Variants in CDH12 observed in about 807,000 individuals in gnomAD.
The protein encoded by CDH12 is cadherin 12.
CDH12 carries 41 observed loss-of-function variants against 74.1 expected under a neutral mutation model. That is an observed-to-expected ratio of 0.55 (90% confidence interval 0.43 to 0.72). The LOEUF (loss-of-function observed/expected upper bound fraction) is 0.72, where lower values mean the gene tolerates loss of function less well. Among genes scored for constraint, CDH12 ranks in the 30% least tolerant of loss-of-function variants. The probability of loss-of-function intolerance (pLI) is 0.00; values close to 1 mark genes in which losing one functional copy is unlikely to be tolerated. For missense variants in CDH12, 945 were observed against 977.2 expected, an observed-to-expected ratio of 0.97 and a Z score of 0.44; for synonymous variants, 399 against 355.0, an observed-to-expected ratio of 1.12 and a Z score of -1.39.
intron 10 of CDH12, among the ~76,000 whole-genome samples, chr5:21,799,496 T>C (rs1746993535): frequency 6.6e-6 from 1 of 152,048 alleles, no homozygotes; most frequent in South Asian, 2.1e-4. Context: ...ATAAGAAGAT[T>C]TGTATAGGTG....
intron 1 of CDH12, among the ~76,000 whole-genome samples, chr5:22,613,020 C>T (rs917971195): frequency 1.3e-5 from 2 of 151,928 alleles, no homozygotes; most frequent in East Asian, 1.9e-4. Context: ...GAAATTCTGC[C>T]GTATCATTCA....
At chr5:22,662,309 A>T (rs1385865060) in intron 1 of CDH12, among the ~76,000 whole-genome samples, 1 of 152,180 alleles carries the variant, frequency 6.6e-6, no homozygotes, top group Non-Finnish European at 1.5e-5. Flanking sequence ...CATATATATA[A>T]CAAAGTTTAA....
At chr5:22,003,824 CAAAAAAA>C (rs775995801) in intron 5 of CDH12, among the ~76,000 whole-genome samples, 2 of 47,396 alleles carry the variant, frequency 4.2e-5, no homozygotes, top group African/African-American at 1.5e-4. Flanking sequence ...CCCGCTTCCA[CAAAAAAA>C]AAAAAAAAAA....
At chr5:21,947,653 C>T (rs542344981) in intron 6 of CDH12, among the ~76,000 whole-genome samples, 129 of 152,190 alleles carry the variant, frequency 8.5e-4, no homozygotes, top group Admixed American at 1.5e-3. Context: ...AAAAGAAAAA[C>T]CCATTTTTCA....
At chr5:22,289,993 G>T (rs934301075) in intron 3 of CDH12, among the ~76,000 whole-genome samples, 1 of 152,046 alleles carries the variant, frequency 6.6e-6, no homozygotes, top group African/African-American at 2.4e-5. Flanking sequence ...TCAGTGGCAG[G>T]CAGTGAGCGC....
chr5:22,162,226 T>C (rs1468220490), intron 4 of CDH12, among the ~76,000 whole-genome samples: 1 of 152,112 alleles, frequency 6.6e-6, no homozygotes, highest in Non-Finnish European at 1.5e-5. Flanking sequence ...TCATTTGCTC[T>C]GAACTTTGAA....
chr5:22,337,732 G>A (rs532918679), intron 3 of CDH12, among the ~76,000 whole-genome samples: 1 of 152,250 alleles, frequency 6.6e-6, no homozygotes, highest in South Asian at 2.1e-4. Flanking sequence ...GCAGCAATGT[G>A]AGAATGGACT....
intron 1 of CDH12, among the ~76,000 whole-genome samples, chr5:22,766,815 T>C (rs559953647): frequency 1.3e-5 from 2 of 152,244 alleles, no homozygotes; most frequent in South Asian, 4.1e-4. Context: ...AATTTAGAGA[T>C]GAGTTAAAGT....
At chr5:21,828,959 A>G (rs1357616587) in intron 8 of CDH12, among the ~76,000 whole-genome samples, 2 of 105,456 alleles carry the variant, frequency 1.9e-5, no homozygotes, top group South Asian at 5.7e-4. Context: ...TTAGGTATAT[A>G]TTGTTTTTAC....
chr5:22,620,069 A>G (rs1229767327), intron 1 of CDH12, among the ~76,000 whole-genome samples: 2 of 152,066 alleles, frequency 1.3e-5, no homozygotes, highest in African/African-American at 4.8e-5. Context: ...TGGTCAATAA[A>G]AAAGCTAGTT....
intron 1 of CDH12, among the ~76,000 whole-genome samples, chr5:22,752,937 A>G (rs1335229836): frequency 9.2e-5 from 14 of 151,936 alleles, no homozygotes. Context: ...TAATAAACAA[A>G]CAGCTAAATG....
chr5:22,407,596 G>A (rs1220784471), intron 2 of CDH12, among the ~76,000 whole-genome samples: 1 of 151,580 alleles, frequency 6.6e-6, no homozygotes, highest in African/African-American at 2.4e-5. Flanking sequence ...TTTCCCCATG[G>A]CTCTCTGCAT....
chr5:22,556,308 A>C (rs1738801808), intron 1 of CDH12, among the ~76,000 whole-genome samples: 1 of 152,114 alleles, frequency 6.6e-6, no homozygotes, highest in Admixed American at 6.6e-5. Context: ...ACACAATGCC[A>C]AGTGCAAAAT....
chr5:21,950,650 A>T (rs1173855144), intron 6 of CDH12, among the ~76,000 whole-genome samples: 1 of 151,524 alleles, frequency 6.6e-6, no homozygotes, highest in East Asian at 1.9e-4. Flanking sequence ...ATATAAAACT[A>T]ACTTCAAATA....
intron 8 of CDH12, among the ~76,000 whole-genome samples, chr5:21,831,451 A>G (rs1749017632): frequency 6.6e-6 from 1 of 152,146 alleles, no homozygotes. Context: ...CAGGTGCAAT[A>G]TATGTGAGCT....
chr5:21,897,228 G>A (rs7705869), intron 6 of CDH12, among the ~76,000 whole-genome samples: 2,027 of 152,252 alleles, frequency 0.013, 51 homozygotes, highest in African/African-American at 0.044. Context: ...AAATCTGGTT[G>A]ACAGAAATTT....
At chr5:22,137,336 T>C (rs537603695) in intron 4 of CDH12, among the ~76,000 whole-genome samples, 1 of 152,196 alleles carries the variant, frequency 6.6e-6, no homozygotes, top group African/African-American at 2.4e-5. Context: ...AGTTATAATA[T>C]GCAAACTATT....
At chr5:22,693,838 G>T (rs269013) in intron 1 of CDH12, among the ~76,000 whole-genome samples, 108,466 of 151,936 alleles carry the variant, frequency 0.71, 39,161 homozygotes, top group African/African-American at 0.81. Context: ...TTTAGACTAT[G>T]AATTTGATGG....
chr5:21,751,637 TGTGTGTGTGTGTGTGA>T lies in CDH12; in HGVS notation c.*84_*99del. 1 of 836,816 alleles carries T rather than the reference TGTGTGTGTGTGTGTGA, an allele frequency of 1.2e-6. No homozygotes were observed. Among genetic ancestry groups the T allele is most frequent in the Non-Finnish European group, 1.9e-6 (1 of 523,160 alleles). 51.8% of individuals were successfully genotyped at this position (836,816 alleles called of 1,614,324 possible). On this transcript the variant is annotated 3_prime_UTR_variant, in exon 15 of 15. Transcript: ENST00000382254. ...GTGTGTGTGTGTGTGTGTGTTTGTG[TGTGTGTGTGTGTGTGA>T]GAGAGATTTCTATTAATATTTGTGT...
Sources: allele counts gnomAD v4.1 joint callset (sites outside exome capture counted in the v4.1 genomes callset), GRCh38; gene constraint gnomAD v4.1.1; transcripts MANE v1.5; gene names NCBI Gene and HGNC (gene_info 2026-07-23, HGNC 2026-07-21).